Variants in TIAM2 observed in about 807,000 individuals in gnomAD.
The protein encoded by TIAM2 is TIAM Rac1 associated GEF 2.
Under a neutral mutation model 152.9 loss-of-function variants are expected in TIAM2, and 80 were observed. The observed-to-expected ratio is 0.52, with a 90% CI of 0.44 to 0.63. The LOEUF is 0.63. TIAM2 is among the 30% of genes least tolerant of loss of function. The probability of loss-of-function intolerance (pLI) is 0.00; values close to 1 mark genes in which losing one functional copy is unlikely to be tolerated. For synonymous variants in TIAM2, 804 were observed against 838.0 expected, an observed-to-expected ratio of 0.96 and a Z score of 0.70; for missense variants, 1,965 against 2,120.1, an observed-to-expected ratio of 0.93 and a Z score of 1.44.
At chr6:155,127,732 T>G in intron 3 of TIAM2, 132 bp downstream of exon 3, 1 of 403,470 alleles carries the variant, frequency 2.5e-6, no homozygotes, top group South Asian at 1.9e-5. Flanking sequence ...CAAAGAAAAG[T>G]CAATCCATTT....
chr6:155,033,140 C>G (rs1486217480), intron 1 of TIAM2, among the ~76,000 whole-genome samples: 2 of 152,182 alleles, frequency 1.3e-5, no homozygotes, highest in South Asian at 4.1e-4. Flanking sequence ...GGTTAGTACA[C>G]CTGGATGTCA....
At chr6:155,123,688 G>A (rs1016531842) in intron 2 of TIAM2, among the ~76,000 whole-genome samples, 1 of 152,148 alleles carries the variant, frequency 6.6e-6, no homozygotes, top group South Asian at 2.1e-4. Flanking sequence ...TGACACAGTC[G>A]GCCACTCAAT....
intron 1 of TIAM2, among the ~76,000 whole-genome samples, chr6:154,997,575 A>G (rs1157857076): frequency 6.6e-6 from 1 of 150,960 alleles, no homozygotes; most frequent in East Asian, 2.0e-4. Flanking sequence ...CAACTGATGT[A>G]ATAGGAGCTC....
At chr6:155,019,744 A>G (rs1169848720) in intron 1 of TIAM2, among the ~76,000 whole-genome samples, 12 of 152,160 alleles carry the variant, frequency 7.9e-5, no homozygotes, top group Non-Finnish European at 1.6e-4. Context: ...TTGCAGAATT[A>G]GTGGAGCAAA....
chr6:155,254,390 TCTG>T (rs752926306), intron 25 of TIAM2, 26 bp from the exon 26 acceptor site: 1 of 1,607,130 alleles, frequency 6.2e-7, no homozygotes, highest in Admixed American at 1.7e-5. Flanking sequence ...TGTGGACACT[TCTG>T]CTGTTTTCTC....
At chr6:155,114,860 C>G (rs1263808607) in intron 2 of TIAM2, among the ~76,000 whole-genome samples, 1 of 152,060 alleles carries the variant, frequency 6.6e-6, no homozygotes, top group East Asian at 1.9e-4. Flanking sequence ...TGGAGTCTCG[C>G]TTTGTCACCC....
intron 1 of TIAM2, among the ~76,000 whole-genome samples, chr6:155,033,719 TC>T (rs1776865248): frequency 6.8e-6 from 1 of 147,080 alleles, no homozygotes; most frequent in Non-Finnish European, 1.5e-5. Context: ...TTTCTTTCTT[TC>T]TTTTTTTGTT....
intron 2 of TIAM2, among the ~76,000 whole-genome samples, chr6:155,125,896 T>C (rs1485141547): frequency 1.3e-5 from 2 of 152,094 alleles, no homozygotes; most frequent in Non-Finnish European, 2.9e-5. Flanking sequence ...GGTGTGCTTA[T>C]GACAATAAAT....
chr6:155,160,448 C>T (rs1780240230), intron 7 of TIAM2, among the ~76,000 whole-genome samples: 2 of 152,162 alleles, frequency 1.3e-5, no homozygotes, highest in South Asian at 4.1e-4. Context: ...CCCAGAACAT[C>T]CTTGGAGACA....
At chr6:155,080,150 C>G (rs1289301238) in intron 1 of TIAM2, among the ~76,000 whole-genome samples, 13 of 151,948 alleles carry the variant, frequency 8.6e-5, no homozygotes, top group Non-Finnish European at 1.5e-5. Context: ...CAGAGAGGCA[C>G]GTTATCCGCC....
At chr6:155,066,278 A>G (rs780304079) in intron 1 of TIAM2, among the ~76,000 whole-genome samples, 4 of 142,304 alleles carry the variant, frequency 2.8e-5, no homozygotes, top group Non-Finnish European at 4.7e-5. Flanking sequence ...CAGCCTCACA[A>G]TGAAGACTCT....
chr6:155,224,310 A>G lies in TIAM2; in HGVS notation c.3168+13003A>G, dbSNP rs1459616371. 7.9e-5 allele frequency among the ~76,000 whole-genome samples: 12 copies of G among 152,212 alleles called. No homozygotes were observed. In the South Asian group the frequency reaches 2.5e-3, roughly 32 times the overall value. On this transcript the variant is annotated intron_variant, in intron 15 of 26. Transcript: ENST00000682666. ...AGAAATTGTTCTGAGTCATTTTGCA[A>G]TTTCCTCTATAGACTCAGCTAAGAG...
intron 1 of TIAM2, among the ~76,000 whole-genome samples, chr6:155,052,857 A>T (rs940885744): frequency 1.3e-5 from 2 of 152,104 alleles, no homozygotes; most frequent in Non-Finnish European, 2.9e-5. Context: ...GATTAGCCAT[A>T]CGTTTTATGG....
At chr6:155,127,069 T>C (rs901939056) in intron 2 of TIAM2, among the ~76,000 whole-genome samples, 3 of 152,346 alleles carry the variant, frequency 2.0e-5, no homozygotes, top group Admixed American at 1.3e-4. Flanking sequence ...CCAAGGACTA[T>C]TCACTGTGAT....
chr6:155,046,542 C>T (rs2114915293), intron 1 of TIAM2, among the ~76,000 whole-genome samples: 1 of 152,160 alleles, frequency 6.6e-6, no homozygotes, highest in South Asian at 2.1e-4. Flanking sequence ...GCCATGTTGG[C>T]CAGGCTGGTC....
At chr6:155,013,408 C>T (rs775622285) in intron 1 of TIAM2, among the ~76,000 whole-genome samples, 4 of 152,082 alleles carry the variant, frequency 2.6e-5, no homozygotes, top group East Asian at 1.9e-4. Flanking sequence ...GTGAGGAACT[C>T]AAGGGAAGAG....
chr6:155,253,731 A>T, intron 24 of TIAM2: 2 of 417,562 alleles, frequency 4.8e-6, no homozygotes. Flanking sequence ...GGGGCTCCAG[A>T]GAGAGGGTGA....
At chr6:155,045,469 G>T (rs183885347) in intron 1 of TIAM2, among the ~76,000 whole-genome samples, 1 of 151,532 alleles carries the variant, frequency 6.6e-6, no homozygotes, top group East Asian at 1.9e-4. Context: ...TTTTTAAGTT[G>T]TCTTCTGTTC....
In TIAM2 at chr6:155,129,673, C is replaced by T. The variant is rs1779392310; in HGVS notation, c.450C>T (p.Thr150=). 1.2e-6 allele frequency: 2 copies of T among 1,613,994 alleles called. No individual in the cohort carries two copies. The highest frequency in any genetic ancestry group is 2.7e-5 in the African/African-American group (2 of 74,928). The stretch of plus-strand genomic sequence containing the variant: ...GGAGGAATGAGAGCATTGCCTCCAC[C>T]CCACCGGGCGAAGACCGCAAGAGCC... ...CYGRNESIAS[T]PPGEDRKSPR... is the part of the protein sequence containing the mutation. The change falls in exon 4 of 27, where the codon ACC becomes ACT. Residue 150 remains threonine, a synonymous_variant. Transcript: ENST00000682666. The surrounding 1 kb of genome is among the most constrained non-coding windows in gnomAD (Gnocchi z 4.8).
Sources: gnomAD v4.1 joint callset for allele counts (sites outside exome capture counted in the v4.1 genomes callset) on GRCh38, gnomAD v4.1.1 for gene constraint, Gnocchi (gnomAD v3.1) non-coding constraint, MANE v1.5 for transcripts, NCBI Gene and HGNC (gene_info 2026-07-23, HGNC 2026-07-21) for gene names.